Variants in DNAH2 observed in about 807,000 individuals in gnomAD.
DNAH2 encodes the protein dynein axonemal heavy chain 2, also known as axonemal beta dynein heavy chain 2.
DNAH2 carries 323 observed loss-of-function variants against 523.5 expected under a neutral mutation model. The ratio of observed to expected loss-of-function variants is 0.62; its 90% CI spans 0.56 to 0.68. DNAH2 has a LOEUF of 0.68. Ranked by LOEUF, DNAH2 falls within the 30% of genes least tolerant of loss-of-function variation. The pLI, the probability that DNAH2 is intolerant of heterozygous loss-of-function variation, is 0.00. For synonymous variants in DNAH2, 2,093 were observed against 2,177.4 expected (o/e 0.96, Z 1.08); for missense variants, 4,907 against 5,701.5 (o/e 0.86, Z 4.49).
In DNAH2 at chr17:7,832,737, T is replaced by C. The variant is rs765367598; in HGVS notation, c.12885T>C (p.Ser4295=). Reference sequence around the variant, plus strand: ...GCTTCCTCACTGCTGTGCTGCAGTCTTCAGCTCGCCAAAACAACGTGAGCA... The same window carrying C: ...GCTTCCTCACTGCTGTGCTGCAGTCCTCAGCTCGCCAAAACAACGTGAGCA... ...PTGFLTAVLQ[S]SARQNNVSVD... The change falls in exon 83 of 86, where the codon TCT becomes TCC. Residue 4295 remains serine, a synonymous_variant. Coordinates refer to ENST00000572933, the MANE Select transcript of DNAH2 (RefSeq NM_020877.5). The surrounding 1 kb of genome is among the most constrained non-coding windows in gnomAD (Gnocchi z 4.3). 6.8e-6 allele frequency: 11 copies of C among 1,613,990 alleles called. No homozygotes were observed. In the African/African-American group the frequency reaches 1.3e-4, roughly 20 times the overall value.
rs886658047 is a variant in DNAH2 at position 7,792,536 on chromosome 17, C to T, written c.7146-121C>T. On this transcript the variant is annotated intron_variant, in intron 46 of 85. Coordinates refer to ENST00000572933, the MANE Select transcript of DNAH2 (RefSeq NM_020877.5). Reference sequence around the variant, plus strand: ...AGGGTCTCTGAGGGGAGCACATGATCCCCAGGCCCCACAGGAGGGCAGGGT... The same window carrying T: ...AGGGTCTCTGAGGGGAGCACATGATTCCCAGGCCCCACAGGAGGGCAGGGT... 5 of 1,003,114 alleles carry T rather than the reference C, an allele frequency of 5.0e-6. No individual in the cohort carries two copies. In the African/African-American group the frequency reaches 8.0e-5, roughly 16 times the overall value. The allele number at this position is 1,003,114 out of a possible 1,614,324, so 62.1% of individuals were successfully genotyped here.
At position 7,805,027 on chromosome 17, in the gene DNAH2, C is replaced by A; in HGVS notation, c.9253C>A (p.Gln3085Lys). The A allele has an allele frequency of 2.5e-6, 4 of 1,614,142 alleles. No homozygotes were observed. Among genetic ancestry groups the A allele is most frequent in the Non-Finnish European group, 3.4e-6 (4 of 1,180,028 alleles). Residue 3085 changes from glutamine (Q) to lysine (K), a missense_variant, in exon 60 of 86, where the codon CAG becomes AAG. Around this residue, in one of 3 missense-constraint regions of DNAH2, gnomAD observed 1,851 missense variants for 2,139.4 expected, o/e 0.87. Coordinates refer to ENST00000572933, the MANE Select transcript of DNAH2 (RefSeq NM_020877.5). ...IKCQALADNAQKDLEEALPAL... is the reference protein window; with the variant it reads ...IKCQALADNAKKDLEEALPAL... ...GTGTCAGGCACTGGCTGACAATGCC[C>A]AGAAAGATCTAGAAGAGGCACTGCC...
chr17:7,815,778 G>A (rs912942993), intron 63 of DNAH2, among the ~76,000 whole-genome samples: 1 of 151,864 alleles, frequency 6.6e-6, no homozygotes, highest in Admixed American at 6.6e-5. Context: ...ACAGGATCTT[G>A]GGACAAGGCT....
intron 44 of DNAH2, among the ~76,000 whole-genome samples, chr17:7,790,429 C>T (rs1204461987): frequency 6.6e-6 from 1 of 151,956 alleles, no homozygotes; most frequent in African/African-American, 2.4e-5. Flanking sequence ...ACTGTGTTGC[C>T]CAGGCTGGTC....
chr17:7,818,601 G>T, intron 69 of DNAH2, 42 bp from the exon 70 acceptor site: 1 of 1,610,744 alleles, frequency 6.2e-7, no homozygotes, highest in Non-Finnish European at 8.5e-7. Flanking sequence ...GGTGAAGGTC[G>T]AAGGAGTGAC....
intron 39 of DNAH2, among the ~76,000 whole-genome samples, chr17:7,782,710 T>C (rs1347104384): frequency 3.3e-5 from 5 of 152,002 alleles, no homozygotes; most frequent in African/African-American, 1.2e-4. Flanking sequence ...TTCACGCCTG[T>C]CATCTCAACA....
In DNAH2 at chr17:7,831,818, C is replaced by A; in HGVS notation, c.12726+43C>A. On this transcript the variant is annotated intron_variant, in intron 82 of 85. Coordinates refer to ENST00000572933, the MANE Select transcript of DNAH2 (RefSeq NM_020877.5). The surrounding 1 kb of genome is among the most constrained non-coding windows in gnomAD (Gnocchi z 4.2). Reference sequence around the variant, plus strand: ...TTGATCCTTCTCCAACAATGAGCTCCCCTCTCAATCCTGGGCCCCCCAATC... The same window carrying A: ...TTGATCCTTCTCCAACAATGAGCTCACCTCTCAATCCTGGGCCCCCCAATC... 6.4e-7 allele frequency: 1 copy of A among 1,553,806 alleles called. No individual in the cohort carries two copies. Among genetic ancestry groups the A allele is most frequent in the Non-Finnish European group, 8.8e-7 (1 of 1,132,444 alleles).
chr17:7,822,362 C>T (rs2077880826), intron 73 of DNAH2, among the ~76,000 whole-genome samples: 1 of 152,228 alleles, frequency 6.6e-6, no homozygotes, highest in South Asian at 2.1e-4. Context: ...ACTCCAGCCA[C>T]GCAGGCCTCA....
At position 7,759,947 on chromosome 17, in the gene DNAH2, G is replaced by A. The variant is rs186684230; in HGVS notation, c.2785+9G>A. The stretch of plus-strand genomic sequence containing the variant: ...CATCCAAACAGTTGTGGGTGAGTGG[G>A]CAACGGGGAGGGCACAAGGCACAGG... On this transcript the variant is annotated intron_variant, in intron 17 of 85. Coordinates refer to ENST00000572933, the MANE Select transcript of DNAH2 (RefSeq NM_020877.5). 1.5e-4 allele frequency: 244 copies of A among 1,614,178 alleles called. 2 individuals are homozygous for A. The highest frequency in any genetic ancestry group is 3.3e-4 in the Middle Eastern group (2 of 6,062).
chr17:7,758,672 C>A, intron 14 of DNAH2, 21 bp downstream of exon 14: 2 of 1,602,312 alleles, frequency 1.2e-6, no homozygotes, highest in South Asian at 2.2e-5. Flanking sequence ...GTCCTTAGAC[C>A]CTAAAGGTCT....
chr17:7,740,805 C>T lies in DNAH2; in HGVS notation c.1507-5C>T. 6.2e-7 allele frequency: 1 copy of T among 1,602,992 alleles called. No individual in the cohort carries two copies. Reference sequence around the variant, plus strand: ...CGTCGCCAGCCTCTTCCTCTTCTTCCCTAGGCTATCAAGCGGACTTATGAC... The same window carrying T: ...CGTCGCCAGCCTCTTCCTCTTCTTCTCTAGGCTATCAAGCGGACTTATGAC... On this transcript the variant is annotated splice_polypyrimidine_tract_variant and splice_region_variant and intron_variant, in intron 10 of 85. Transcript: ENST00000572933.
In DNAH2 at chr17:7,832,774, G is replaced by A. The variant is rs770131447; in HGVS notation, c.12903+19G>A. On this transcript the variant is annotated intron_variant, in intron 83 of 85. Transcript: ENST00000572933. This position sits in a 1 kb window ranked among gnomAD's most constrained non-coding sequence, Gnocchi z 4.3. ...AAACAACGTGAGCAATGTGCAAAGTGTGAGGGGGGGATGTATGCTGGGGCC... is the reference window on the plus strand; with the variant it reads ...AAACAACGTGAGCAATGTGCAAAGTATGAGGGGGGGATGTATGCTGGGGCC... 6.2e-7 allele frequency: 1 copy of A among 1,614,144 alleles called. No homozygotes were observed. Among genetic ancestry groups the A allele is most frequent in the South Asian group, 1.1e-5 (1 of 91,080 alleles).
Position 7,801,671 on chromosome 17 carries a change from G to A in DNAH2, c.8793G>A (p.Glu2931=), listed in dbSNP as rs2077225862. The part of the protein sequence containing the change: ...WPQEALLEVA[E]KCLIGVDLGT... ...AAGAGGCCCTGCTCGAGGTGGCTGA[G>A]AAGTGCCTCATAGGAGTAGACCTGG... The change falls in exon 57 of 86, where the codon GAG becomes GAA. Residue 2931 remains glutamate (E), a synonymous_variant. Coordinates refer to ENST00000572933, the MANE Select transcript of DNAH2 (RefSeq NM_020877.5). 1.9e-6 allele frequency: 3 copies of A among 1,614,076 alleles called. No individual in the cohort carries two copies. The highest frequency in any genetic ancestry group is 2.7e-5 in the African/African-American group (2 of 74,934).
chr17:7,798,357 A>G lies in DNAH2; in HGVS notation c.8398+33A>G. 2 of 1,590,558 alleles carry G rather than the reference A, an allele frequency of 1.3e-6. No individual in the cohort carries two copies. Among genetic ancestry groups the G allele is most frequent in the Non-Finnish European group, 1.7e-6 (2 of 1,166,480 alleles). ...TGGGTTTCTGAAATGCTAGGAATAA[A>G]AGATCAGATGCATACATTCCTGCAG... On this transcript the variant is annotated intron_variant, in intron 54 of 85. Coordinates refer to ENST00000572933, the MANE Select transcript of DNAH2 (RefSeq NM_020877.5). This position sits in a 1 kb window ranked among gnomAD's most constrained non-coding sequence, Gnocchi z 5.5.
At chr17:7,725,420 A>C (rs982787022) in intron 3 of DNAH2, among the ~76,000 whole-genome samples, 1 of 109,436 alleles carries the variant, frequency 9.1e-6, no homozygotes, top group Middle Eastern at 4.5e-3. Flanking sequence ...ATTTGACTTC[A>C]AGTGAATATA....
intron 3 of DNAH2, among the ~76,000 whole-genome samples, chr17:7,724,572 C>T (rs1383029002): frequency 6.6e-6 from 1 of 151,950 alleles, no homozygotes; most frequent in Non-Finnish European, 1.5e-5. Flanking sequence ...GAGCCAAGAT[C>T]GTGCCACTGT....
chr17:7,765,057 C>A (rs910042269), intron 20 of DNAH2, among the ~76,000 whole-genome samples: 5 of 152,158 alleles, frequency 3.3e-5, no homozygotes, highest in Non-Finnish European at 7.3e-5. Flanking sequence ...CCACACCCGG[C>A]CAGGGTTTCT....
In DNAH2 at chr17:7,743,081, G is replaced by A. The variant is rs779619898; in HGVS notation, c.1843G>A (p.Asp615Asn). The A allele has an allele frequency of 6.5e-7, 1 of 1,546,360 alleles. No individual in the cohort carries two copies. Among genetic ancestry groups the A allele is most frequent in the Non-Finnish European group, 8.7e-7 (1 of 1,152,500 alleles). The change falls in exon 12 of 86, where the codon GAT becomes AAT. Residue 615 changes from aspartate to asparagine, a missense_variant. Asp to Asn is a conservative substitution (Grantham distance 23, BLOSUM62 1). Around this residue, in one of 3 missense-constraint regions of DNAH2, gnomAD observed 2,806 missense variants for 3,190.8 expected, o/e 0.88. Transcript: ENST00000572933. Reference protein sequence around the residue: ...SLDKDCIRRLDTPLLRISQEK... With the variant: ...SLDKDCIRRLNTPLLRISQEK... ...GGACAAGGATTGCATTCGGCGGTTG[G>A]ATACCCCATTGCTGCGAATCAGCCA...
At chr17:7,762,331 CTTTTTTT>C (rs35824439) in intron 18 of DNAH2, among the ~76,000 whole-genome samples, 12 of 111,834 alleles carry the variant, frequency 1.1e-4, no homozygotes, top group East Asian at 2.6e-4. Context: ...CGTAGGATTT[CTTTTTTT>C]TTTTTTTTTT....
Sources: allele counts gnomAD v4.1 joint callset (sites outside exome capture counted in the v4.1 genomes callset), GRCh38; gene constraint gnomAD v4.1.1; regional missense constraint gnomAD v4.1.1; non-coding constraint Gnocchi (gnomAD v3.1); transcripts MANE v1.5; gene names NCBI Gene and HGNC (gene_info 2026-07-23, HGNC 2026-07-21).